The following RAB44 variants were observed in gnomAD, a reference collection of about 807,000 sequenced individuals.
The protein encoded by RAB44 is ras-related protein Rab-44.
RAB44 carries 67 observed loss-of-function variants against 93.3 expected under a neutral mutation model. That is an observed-to-expected ratio of 0.72 (90% CI 0.59 to 0.88). The LOEUF is 0.88. Ranked by LOEUF, RAB44 falls within the 40% of genes least tolerant of loss-of-function variation. The pLI is 0.00. For synonymous variants in RAB44, 427 were observed against 520.3 expected (o/e 0.82, Z 2.44); for missense variants, 1,064 against 1,261.7 (o/e 0.84, Z 2.37).
Position 36,717,323 on chromosome 6 carries a change from A to G in RAB44, c.545A>G (p.Gln182Arg). 8.1e-7 allele frequency: 1 copy of G among 1,232,192 alleles called. No individual in the cohort carries two copies. The highest frequency in any genetic ancestry group is 1.0e-6 in the Non-Finnish European group (1 of 987,994). 76.3% of individuals were successfully genotyped at this position (1,232,192 alleles called of 1,614,324 possible). A position where few individuals can be genotyped will look rare whatever the true frequency, so the allele number is the denominator to read the frequency against. ...LWGQLRQEEP[Q>R]LAGNLAGFLA... is the part of the protein sequence containing the mutation. Reference sequence around the variant, plus strand: ...GGGCAGCTGCGGCAGGAGGAGCCCCAGCTGGCAGGCAACCTGGCAGGCTTT... The same window carrying G: ...GGGCAGCTGCGGCAGGAGGAGCCCCGGCTGGCAGGCAACCTGGCAGGCTTT... The change falls in exon 5 of 14, where the codon CAG (glutamine) becomes CGG (arginine). Residue 182 changes from glutamine to arginine, a missense_variant. Physicochemically the swap from Gln to Arg is conservative, Grantham distance 43. Transcript: ENST00000612677. This position sits in a 1 kb window ranked among gnomAD's most constrained non-coding sequence, Gnocchi z 4.1.
Position 36,718,092 on chromosome 6 carries a change from CAGG to C in RAB44, c.709_711del (p.Glu237del). On this transcript the variant is annotated inframe_deletion, in exon 6 of 14. Coordinates refer to ENST00000612677, the MANE Select transcript of RAB44 (RefSeq NM_001257357.2). ...TGAGGAGATGGAGCAGCAGATCCGC[CAGG>C]AGAAGCAGCAGCTGCAGGCTGAGGT... 1 of 1,232,372 alleles carries C rather than the reference CAGG, an allele frequency of 8.1e-7. No individual in the cohort carries two copies. Among genetic ancestry groups the C allele is most frequent in the Non-Finnish European group, 1.0e-6 (1 of 988,158 alleles). 76.3% of individuals were successfully genotyped at this position (1,232,372 alleles called of 1,614,324 possible).
intron 2 of RAB44, among the ~76,000 whole-genome samples, chr6:36,712,902 C>T (rs992706678): frequency 6.6e-6 from 1 of 152,148 alleles, no homozygotes; most frequent in African/African-American, 2.4e-5. Context: ...CAGATAAAAA[C>T]ACGAAATTCA....
Position 36,721,674 on chromosome 6 carries a change from G to A in RAB44, c.1540G>A (p.Ala514Thr), listed in dbSNP as rs1763087079. ...PPPANSPPPQ[A>T]PAGSSKQIQA... The stretch of plus-strand genomic sequence containing the variant: ...CCCTGCGAACTCTCCCCCTCCCCAG[G>A]CCCCAGCTGGGTCCAGCAAACAGAT... Residue 514 changes from alanine to threonine, a missense_variant, in exon 9 of 14, where the codon GCC (alanine) becomes ACC (threonine). Physicochemically the swap from Ala to Thr is moderately conservative, Grantham distance 58 (BLOSUM62 0). Transcript: ENST00000612677. 1 of 1,234,300 alleles carries A rather than the reference G, an allele frequency of 8.1e-7. No individual in the cohort carries two copies. Among genetic ancestry groups the A allele is most frequent in the South Asian group, 4.1e-5 (1 of 24,414 alleles). 76.5% of individuals were successfully genotyped at this position (1,234,300 alleles called of 1,614,324 possible).
At chr6:36,725,964 G>A (rs1428209582) in intron 10 of RAB44, 21 bp downstream of exon 10, 1 of 1,540,712 alleles carries the variant, frequency 6.5e-7, no homozygotes. Flanking sequence ...CTGTATATCA[G>A]TGTGTCAGGA....
In RAB44 at chr6:36,712,999, A is replaced by G. The variant is rs370268658; in HGVS notation, c.208-829A>G. Among the ~76,000 whole-genome samples the G allele has an allele frequency of 9.2e-5, 14 of 152,342 alleles. No homozygotes were observed. In the South Asian group the frequency reaches 2.1e-3, roughly 23 times the overall value. On this transcript the variant is annotated intron_variant, in intron 2 of 13. Transcript: ENST00000612677. ...TTGGGGATTCCCTCTCTGAGAGCCA[A>G]AGTGTGTGGGCTTAAAGAGCCCATG...
At chr6:36,727,752 T>A in intron 11 of RAB44, 61 bp downstream of exon 11, 1 of 1,008,336 alleles carries the variant, frequency 9.9e-7, no homozygotes, top group Non-Finnish European at 1.5e-6. Flanking sequence ...TCTTATATCC[T>A]GCCCACTCCC....
chr6:36,721,273 C>T lies in RAB44; in HGVS notation c.1139C>T (p.Pro380Leu), dbSNP rs747458831. 3.5e-4 allele frequency: 429 copies of T among 1,234,184 alleles called. 1 individual carries two copies. Among genetic ancestry groups the T allele is most frequent in the Non-Finnish European group, 4.2e-4 (411 of 988,216 alleles). The allele number at this position is 1,234,184 out of a possible 1,614,324, so 76.5% of individuals were successfully genotyped here. ...CAGCTACTGAGCAACTTTGGCAGCC[C>T]TCCGCACGGAGCCCTGCAGCTCTGC... ...WDQLLSNFGS[P>L]PHGALQLCWS... Residue 380 changes from proline to leucine, a missense_variant, in exon 9 of 14, where the codon CCT becomes CTT. Physicochemically the swap from Pro to Leu is moderately conservative, Grantham distance 98. Transcript: ENST00000612677.
At position 36,709,101 on chromosome 6, in the gene RAB44, CCTCT is replaced by C. The variant is rs1190932539; in HGVS notation, c.207+4660_207+4663del. Among the ~76,000 whole-genome samples, 8 of 152,104 alleles carry C rather than the reference CCTCT, an allele frequency of 5.3e-5. No homozygotes were observed. The East Asian group carries it at 1.5e-3, about 29-fold the overall frequency. On this transcript the variant is annotated intron_variant, in intron 2 of 13. Coordinates refer to ENST00000612677, the MANE Select transcript of RAB44 (RefSeq NM_001257357.2). ...CTGGGATTACAGGCGCCTGCCACCACCTCTGGCTATTTTTTTTTATTTTTATTTT... is the reference window on the plus strand; with the variant it reads ...CTGGGATTACAGGCGCCTGCCACCACGGCTATTTTTTTTTATTTTTATTTT...
In RAB44 at chr6:36,721,248, C is replaced by T; in HGVS notation, c.1114C>T (p.Gln372Ter). 2 of 1,234,262 alleles carry T rather than the reference C, an allele frequency of 1.6e-6. No homozygotes were observed. The highest frequency in any genetic ancestry group is 1.0e-6 in the Non-Finnish European group (1 of 988,232). 76.5% of individuals were successfully genotyped at this position (1,234,262 alleles called of 1,614,324 possible). A position where few individuals can be genotyped will look rare whatever the true frequency, so the allele number is the denominator to read the frequency against. Residue 372 changes from glutamine to a stop codon, truncating the protein, a stop_gained, in exon 9 of 14, where the codon CAG (glutamine) becomes TAG (stop). Transcript: ENST00000612677. LOFTEE classifies it high-confidence loss of function. ...ATTTGGGGACAACGATGACTGGGAC[C>T]AGCTACTGAGCAACTTTGGCAGCCC... is the stretch of plus-strand genomic sequence containing the variant. ...GLFGDNDDWD[Q>*]LLSNFGSPPH...
chr6:36,698,175 TGTTA>T (rs1333711147), intron 1 of RAB44, among the ~76,000 whole-genome samples: 8 of 152,154 alleles, frequency 5.3e-5, no homozygotes, highest in African/African-American at 7.2e-5. Flanking sequence ...TCAGTTTCTC[TGTTA>T]GTTAGGAGAG....
chr6:36,722,381 G>T lies in RAB44; in HGVS notation c.2247G>T (p.Gly749=). The change falls in exon 9 of 14, where the codon GGG becomes GGT. Residue 749 remains glycine (G), a synonymous_variant. Transcript: ENST00000612677. ...CTCCAAGGGGCTCTCCTCCCAGGGG[G>T]GCTCAGCCTGGGGCTGGAGCAGGAC... ...SAPPRGSPPR[G]AQPGAGAGPQ... 7.3e-7 allele frequency: 1 copy of T among 1,367,192 alleles called. No homozygotes were observed. Among genetic ancestry groups the T allele is most frequent in the Non-Finnish European group, 9.4e-7 (1 of 1,061,852 alleles). The allele number at this position is 1,367,192 out of a possible 1,614,324, so 84.7% of individuals were successfully genotyped here.
At position 36,731,361 on chromosome 6, in the gene RAB44, C is replaced by T. The variant is rs1057000542; in HGVS notation, c.2975+612C>T. On this transcript the variant is annotated intron_variant, in intron 13 of 13. Transcript: ENST00000612677. The surrounding 1 kb of genome is among the most constrained non-coding windows in gnomAD (Gnocchi z 4.0). ...ATGCATTTATCTGTTTTCTTGTTGT[C>T]CAGGAAGGCAGGGCCATGTCTGTTT... Among the ~76,000 whole-genome samples, 30 of 152,294 alleles carry T rather than the reference C, an allele frequency of 2.0e-4. No individual in the cohort carries two copies. The highest frequency in any genetic ancestry group is 7.2e-4 in the African/African-American group (30 of 41,552).
rs1763394900 is a variant in RAB44 at position 36,733,039 on chromosome 6, G to C, written c.*946G>C. 1 of 152,230 alleles carries C rather than the reference G, an allele frequency of 6.6e-6. No individual in the cohort carries two copies. Among genetic ancestry groups the C allele is most frequent in the Non-Finnish European group, 1.5e-5 (1 of 68,044 alleles). The allele number at this position is 152,230 out of a possible 1,614,324, so 9.4% of individuals were successfully genotyped here. A position where few individuals can be genotyped will look rare whatever the true frequency, so the allele number is the denominator to read the frequency against. On this transcript the variant is annotated 3_prime_UTR_variant, in exon 14 of 14. Coordinates refer to ENST00000612677, the MANE Select transcript of RAB44 (RefSeq NM_001257357.2). ...CCATAATATTCACCTCCTGAATGGT[G>C]GCTGCCCCTTATCAGCTAGGGCTGG...
chr6:36,722,237 C>T lies in RAB44; in HGVS notation c.2103C>T (p.His701=), dbSNP rs1470483140. Residue 701 remains histidine (H), a synonymous_variant, in exon 9 of 14, where the codon CAC becomes CAT. Coordinates refer to ENST00000612677, the MANE Select transcript of RAB44 (RefSeq NM_001257357.2). ...SEQSEQSVEA[H]GLETAHSELP... ...AGTCAGAGCAGTCGGTTGAGGCTCA[C>T]GGCCTAGAAACTGCGCATTCGGAAC... 4.0e-6 allele frequency: 5 copies of T among 1,265,106 alleles called. No homozygotes were observed. The highest frequency in any genetic ancestry group is 1.5e-5 in the African/African-American group (1 of 65,452). The allele number at this position is 1,265,106 out of a possible 1,614,324, so 78.4% of individuals were successfully genotyped here.
chr6:36,728,954 C>T (rs928380107), intron 12 of RAB44, among the ~76,000 whole-genome samples, 153 bp downstream of exon 12: 4 of 152,208 alleles, frequency 2.6e-5, no homozygotes, highest in African/African-American at 9.7e-5. Context: ...TCAGAGTGGA[C>T]AGCAGCCTAG....
chr6:36,721,898 C>T lies in RAB44; in HGVS notation c.1764C>T (p.Ala588=). ...CCAAGCCGCCCAGGCAGAGAGATGC[C>T]CTCCAGCAGGACCTGCATGCCACTG... ...GPAKPPRQRD[A]LQQDLHATGS... The change falls in exon 9 of 14, where the codon GCC becomes GCT. Residue 588 remains alanine, a synonymous_variant. Coordinates refer to ENST00000612677, the MANE Select transcript of RAB44 (RefSeq NM_001257357.2). The T allele has an allele frequency of 8.1e-7, 1 of 1,235,046 alleles. No individual in the cohort carries two copies. The highest frequency in any genetic ancestry group is 1.0e-6 in the Non-Finnish European group (1 of 988,718). The allele number at this position is 1,235,046 out of a possible 1,614,324, so 76.5% of individuals were successfully genotyped here.
At chr6:36,714,708 C>A (rs572388676) in intron 3 of RAB44, among the ~76,000 whole-genome samples, 28 of 152,354 alleles carry the variant, frequency 1.8e-4, no homozygotes, top group African/African-American at 6.3e-4. Flanking sequence ...TTGCTGTCCA[C>A]GCAGCCTTGG....
At chr6:36,729,424 G>A (rs236467) in intron 12 of RAB44, among the ~76,000 whole-genome samples, 50,049 of 150,848 alleles carry the variant, frequency 0.33, 8,501 homozygotes, top group Middle Eastern at 0.41. Context: ...CCCACTTCCC[G>A]TAAATTGTGA....
intron 2 of RAB44, among the ~76,000 whole-genome samples, chr6:36,706,572 A>T (rs1378938128): frequency 6.6e-6 from 1 of 152,166 alleles, no homozygotes; most frequent in African/African-American, 2.4e-5. Flanking sequence ...GTCACACCTG[A>T]TTAAATGAGG....
Sources: gnomAD v4.1 joint callset for allele counts (sites outside exome capture counted in the v4.1 genomes callset) on GRCh38, gnomAD v4.1.1 for gene constraint, Gnocchi (gnomAD v3.1) non-coding constraint, MANE v1.5 for transcripts, NCBI Gene and HGNC (gene_info 2026-07-23, HGNC 2026-07-21) for gene names.